SCAF11: variants seen among roughly 807,000 people sequenced by gnomAD.
SCAF11 encodes SR-related CTD associated factor 11.
A neutral mutation model predicts 140.5 loss-of-function variants in SCAF11; 47 were observed. The observed-to-expected ratio is 0.33, with a 90% CI of 0.26 to 0.43. SCAF11 has a LOEUF of 0.43. SCAF11 is among the 20% of genes least tolerant of loss of function. SCAF11 has a pLI of 1.00. For missense variants in SCAF11, 1,645 were observed against 1,705.1 expected (o/e 0.96, Z 0.62); for synonymous variants, 557 against 579.4 (o/e 0.96, Z 0.55).
chr12:45,927,790 A>G lies in SCAF11; in HGVS notation c.1911T>C (p.His637=). The change falls in exon 11 of 15, where the codon CAT becomes CAC. Residue 637 remains histidine, a synonymous_variant. Coordinates refer to ENST00000369367, the MANE Select transcript of SCAF11 (RefSeq NM_004719.3). The stretch of plus-strand genomic sequence containing the variant: ...TTATTTCTACATCTTCAGTTTCAAC[A>G]TGCCCAAGCAATTGAACCTCTGGGC... The part of the protein sequence containing the change: ...VKSPEVQLLG[H]VETEDVEIIA... 6.8e-6 allele frequency: 11 copies of G among 1,613,600 alleles called. No individual in the cohort carries two copies. Among genetic ancestry groups the G allele is most frequent in the Non-Finnish European group, 9.3e-6 (11 of 1,179,724 alleles).
At position 45,921,792 on chromosome 12, in the gene SCAF11, T is replaced by C. The variant is rs1461321258; in HGVS notation, c.*256A>G. 4.8e-6 allele frequency: 2 copies of C among 414,258 alleles called. No homozygotes were observed. Among genetic ancestry groups the C allele is most frequent in the African/African-American group, 4.0e-5 (2 of 49,598 alleles). 25.7% of individuals were successfully genotyped at this position (414,258 alleles called of 1,614,324 possible). A position where few individuals can be genotyped will look rare whatever the true frequency, so the allele number is the denominator to read the frequency against. On this transcript the variant is annotated 3_prime_UTR_variant, in exon 15 of 15. Coordinates refer to ENST00000369367, the MANE Select transcript of SCAF11 (RefSeq NM_004719.3). The stretch of plus-strand genomic sequence containing the variant: ...CAGTATCCACACTATAACACAGTCC[T>C]AGTAAAGATGCACATTCCTTTAAAC...
chr12:45,956,621 T>G (rs1180917738), intron 3 of SCAF11, among the ~76,000 whole-genome samples: 1 of 152,162 alleles, frequency 6.6e-6, no homozygotes, highest in African/African-American at 2.4e-5. Context: ...AGTGATAAAA[T>G]TAACCCCCAG....
Position 45,927,711 on chromosome 12 carries a change from C to T in SCAF11, c.1990G>A (p.Glu664Lys). The T allele has an allele frequency of 6.2e-7, 1 of 1,612,208 alleles. No individual in the cohort carries two copies. The highest frequency in any genetic ancestry group is 8.5e-7 in the Non-Finnish European group (1 of 1,179,446). Residue 664 changes from glutamate to lysine, a missense_variant, in exon 11 of 15, where the codon GAA becomes AAA. Around this residue, in one of 2 missense-constraint regions of SCAF11, gnomAD observed 1,582 missense variants for 1,609.2 expected, o/e 0.98. Transcript: ENST00000369367. The part of the protein sequence containing the change: ...NEDFNNIQDS[E>K]NNLLKNNLLN... The stretch of plus-strand genomic sequence containing the variant: ...AGATTATTTTTTAGTAAGTTATTTT[C>T]AGAGTCTTGAATATTATTGAAATCT...
At chr12:45,954,380 G>A (rs1945626191) in intron 3 of SCAF11, among the ~76,000 whole-genome samples, 1 of 151,878 alleles carries the variant, frequency 6.6e-6, no homozygotes, top group Non-Finnish European at 1.5e-5. Context: ...GGGACTACAG[G>A]TGCATGCCAC....
At chr12:45,950,211 T>C (rs1334070714) in intron 4 of SCAF11, among the ~76,000 whole-genome samples, 1 of 152,080 alleles carries the variant, frequency 6.6e-6, no homozygotes, top group African/African-American at 2.4e-5. Flanking sequence ...GAGGTAAATG[T>C]TCTATGGGAA....
chr12:45,986,812 T>C (rs1946469648), intron 1 of SCAF11, among the ~76,000 whole-genome samples: 1 of 152,148 alleles, frequency 6.6e-6, no homozygotes, highest in Non-Finnish European at 1.5e-5. Context: ...CGCTTTTGCA[T>C]CTTCCTCATT....
Position 45,922,926 on chromosome 12 carries a change from T to A in SCAF11, c.4125+10A>T, listed in dbSNP as rs1214030177. 4 of 1,612,808 alleles carry A rather than the reference T, an allele frequency of 2.5e-6. No homozygotes were observed. In the Admixed American group the frequency reaches 5.0e-5, roughly 20 times the overall value. On this transcript the variant is annotated intron_variant, in intron 13 of 14. Transcript: ENST00000369367. ...AGAATTATGAAGGTTGCTCTCAACC[T>A]TGAACTTGCCTTGTCTGTCTTCGAG... is the stretch of plus-strand genomic sequence containing the variant.
Position 45,927,836 on chromosome 12 carries a change from A to G in SCAF11, c.1865T>C (p.Val622Ala). 3 of 1,613,958 alleles carry G rather than the reference A, an allele frequency of 1.9e-6. No individual in the cohort carries two copies. The highest frequency in any genetic ancestry group is 1.3e-5 in the African/African-American group (1 of 75,022). The change falls in exon 11 of 15, where the codon GTG (valine) becomes GCG (alanine). Residue 622 changes from valine to alanine, a missense_variant. By Grantham distance (64) the Val-to-Ala change is moderately conservative. Coordinates refer to ENST00000369367, the MANE Select transcript of SCAF11 (RefSeq NM_004719.3). Reference protein sequence around the residue: ...ESSEGEIIQTVDRQSVKSPEV... With the variant: ...ESSEGEIIQTADRQSVKSPEV... ...TGGGCTCTTAACAGATTGTCTGTCC[A>G]CTGTCTGTATAATTTCACCCTCAGA...
At chr12:45,983,648 T>C (rs1946394400) in intron 1 of SCAF11, among the ~76,000 whole-genome samples, 1 of 151,210 alleles carries the variant, frequency 6.6e-6, no homozygotes, top group African/African-American at 2.4e-5. Context: ...GGTGAGGAAA[T>C]TGAGATACTG....
chr12:45,923,239 A>C, intron 12 of SCAF11, 85 bp from the exon 13 acceptor site: 1 of 1,226,810 alleles, frequency 8.2e-7, no homozygotes, highest in South Asian at 1.3e-5. Flanking sequence ...AACATTAAAA[A>C]ACACAAAGCA....
At chr12:45,936,590 G>T (rs900879880) in intron 6 of SCAF11, among the ~76,000 whole-genome samples, 3 of 152,058 alleles carry the variant, frequency 2.0e-5, no homozygotes, top group Non-Finnish European at 4.4e-5. Context: ...CATCCATAAG[G>T]TTTGTTCCCC....
At chr12:45,970,602 A>C (rs1336035629) in intron 1 of SCAF11, among the ~76,000 whole-genome samples, 1 of 152,272 alleles carries the variant, frequency 6.6e-6, no homozygotes, top group Non-Finnish European at 1.5e-5. Context: ...TTCAGTTTCT[A>C]AGAAGATTAT....
rs191485443 is a variant in SCAF11 at position 45,946,382 on chromosome 12, G to T, written c.399-1069C>A. ...TAAAAACATCCAAGACTCCAAAAAA[G>T]AGTATAATGTAAATATCCAACAGCT... is the stretch of plus-strand genomic sequence containing the variant. On this transcript the variant is annotated intron_variant, in intron 5 of 14. Coordinates refer to ENST00000369367, the MANE Select transcript of SCAF11 (RefSeq NM_004719.3). 2.2e-4 allele frequency among the ~76,000 whole-genome samples: 33 copies of T among 152,304 alleles called. No individual in the cohort carries two copies. In the East Asian group the frequency reaches 5.6e-3, roughly 26 times the overall value.
chr12:45,930,929 T>A (rs964713769), intron 10 of SCAF11: 1 of 152,238 alleles, frequency 6.6e-6, no homozygotes, highest in Non-Finnish European at 1.5e-5. Context: ...ATTTATTTTT[T>A]AAAATTCATG....
Position 45,951,636 on chromosome 12 carries a change from A to C in SCAF11, c.297+14T>G, listed in dbSNP as rs369431160. 23 of 1,520,948 alleles carry C rather than the reference A, an allele frequency of 1.5e-5. No homozygotes were observed. Among genetic ancestry groups the C allele is most frequent in the Non-Finnish European group, 2.0e-5 (22 of 1,118,262 alleles). The allele number at this position is 1,520,948 out of a possible 1,614,324, so 94.2% of individuals were successfully genotyped here. A position where few individuals can be genotyped will look rare whatever the true frequency, so the allele number is the denominator to read the frequency against. ...ATTTTTATATAATTCATGTTGCAGAATAAAAAGACTTACCTTAACATAACC... is the reference window on the plus strand; with the variant it reads ...ATTTTTATATAATTCATGTTGCAGACTAAAAAGACTTACCTTAACATAACC... On this transcript the variant is annotated intron_variant, in intron 4 of 14. Coordinates refer to ENST00000369367, the MANE Select transcript of SCAF11 (RefSeq NM_004719.3).
At chr12:45,923,204 A>G (rs764456386) in intron 12 of SCAF11, 50 bp from the exon 13 acceptor site, 1 of 1,503,704 alleles carries the variant, frequency 6.7e-7, no homozygotes, top group East Asian at 2.3e-5. Flanking sequence ...ACTCGATAGA[A>G]GTCTTTTAGT....
intron 1 of SCAF11, among the ~76,000 whole-genome samples, chr12:45,975,931 T>C (rs945483198): frequency 6.6e-6 from 1 of 152,156 alleles, no homozygotes; most frequent in Non-Finnish European, 1.5e-5. Context: ...ACAAAGATAT[T>C]TGAAATACTG....
At position 45,926,666 on chromosome 12, in the gene SCAF11, G is replaced by A. The variant is rs1195600008; in HGVS notation, c.3035C>T (p.Ser1012Phe). 1.7e-5 allele frequency: 27 copies of A among 1,613,736 alleles called. No individual in the cohort carries two copies. Among genetic ancestry groups the A allele is most frequent in the Non-Finnish European group, 2.1e-5 (25 of 1,179,988 alleles). Reference sequence around the variant, plus strand: ...ACAGTCATTTCTATGTTTGTCAGCAGAATTTGGATCATCAGCATCTAGATG... The same window carrying A: ...ACAGTCATTTCTATGTTTGTCAGCAAAATTTGGATCATCAGCATCTAGATG... ...DIHLDADDPNSADKHRNDCPN... is the reference protein window; with the variant it reads ...DIHLDADDPNFADKHRNDCPN... Residue 1012 changes from serine to phenylalanine, a missense_variant, in exon 11 of 15, where the codon TCT becomes TTT. Transcript: ENST00000369367.
In SCAF11 at chr12:45,986,873, G is replaced by A. The variant is rs528008533; in HGVS notation, c.-22+3480C>T. On this transcript the variant is annotated intron_variant, in intron 1 of 14. Coordinates refer to ENST00000369367, the MANE Select transcript of SCAF11 (RefSeq NM_004719.3). Reference sequence around the variant, plus strand: ...AGAAGTGCCCTTCTCCTCCCACCAAGATTCTGAGGCCTCCCTAGCCATGTG... The same window carrying A: ...AGAAGTGCCCTTCTCCTCCCACCAAAATTCTGAGGCCTCCCTAGCCATGTG... Among the ~76,000 whole-genome samples the A allele has an allele frequency of 2.0e-5, 3 of 152,204 alleles. No individual in the cohort carries two copies. In the East Asian group the frequency reaches 5.8e-4, roughly 29 times the overall value.
Sources: allele counts gnomAD v4.1 joint callset (sites outside exome capture counted in the v4.1 genomes callset), GRCh38; gene constraint gnomAD v4.1.1; regional missense constraint gnomAD v4.1.1; transcripts MANE v1.5; gene names NCBI Gene and HGNC (gene_info 2026-07-23, HGNC 2026-07-21).